Variants in EBAG9 observed in about 807,000 individuals in gnomAD.
EBAG9 encodes the protein receptor-binding cancer antigen expressed on SiSo cells.
In EBAG9, 16 loss-of-function variants were observed where a neutral mutation model predicts 30.9. That is an observed-to-expected ratio of 0.52 (90% CI 0.35 to 0.79). The LOEUF (loss-of-function observed/expected upper bound fraction) is 0.79, where lower values mean the gene tolerates loss of function less well. EBAG9 is among the 30% of genes least tolerant of loss of function. EBAG9 has a pLI of 0.01. For missense variants in EBAG9, 197 were observed against 242.1 expected, an observed-to-expected ratio of 0.81 and a Z score of 1.24; for synonymous variants, 93 against 82.8, an observed-to-expected ratio of 1.12 and a Z score of -0.67.
chr8:109,545,756 G>T (rs1444719173), intron 1 of EBAG9, among the ~76,000 whole-genome samples: 2 of 152,092 alleles, frequency 1.3e-5, no homozygotes, highest in African/African-American at 4.8e-5. Flanking sequence ...CATATATCTT[G>T]TTATTTAATC....
At chr8:109,541,647 C>T (rs2131093781) in intron 1 of EBAG9, among the ~76,000 whole-genome samples, 1 of 152,286 alleles carries the variant, frequency 6.6e-6, no homozygotes, top group South Asian at 2.1e-4. Flanking sequence ...TGATGGACGT[C>T]CTGCCTCCTT....
At chr8:109,550,689 T>C (rs1415017590) in intron 1 of EBAG9, 121 bp from the exon 2 acceptor site, 1 of 648,886 alleles carries the variant, frequency 1.5e-6, no homozygotes, top group African/African-American at 1.9e-5. Flanking sequence ...TGTGTTATAG[T>C]TTCTAGAGAA....
intron 1 of EBAG9, among the ~76,000 whole-genome samples, chr8:109,549,846 A>T (rs971005136): frequency 1.3e-5 from 2 of 151,970 alleles, no homozygotes; most frequent in African/African-American, 2.4e-5. Flanking sequence ...TTTTTCCTAT[A>T]ATCTGTCTAA....
intron 6 of EBAG9, among the ~76,000 whole-genome samples, chr8:109,564,162 A>C (rs894326011): frequency 1.3e-5 from 2 of 152,106 alleles, no homozygotes; most frequent in Non-Finnish European, 2.9e-5. Flanking sequence ...CCTGTACTTA[A>C]TCCTATGACT....
At chr8:109,543,971 AG>A (rs1351826140) in intron 1 of EBAG9, among the ~76,000 whole-genome samples, 1 of 151,440 alleles carries the variant, frequency 6.6e-6, no homozygotes, top group African/African-American at 2.4e-5. Context: ...CAGAGGTTGC[AG>A]TGAGCCAAGA....
In EBAG9 at chr8:109,557,180, G is replaced by A. The variant is rs1821617436; in HGVS notation, c.429+138G>A. The A allele has an allele frequency of 6.3e-6, 3 of 475,216 alleles. No homozygotes were observed. In the East Asian group the frequency reaches 1.0e-4, roughly 17 times the overall value. 29.4% of individuals were successfully genotyped at this position (475,216 alleles called of 1,614,324 possible). On this transcript the variant is annotated intron_variant, in intron 5 of 6. Coordinates refer to ENST00000337573, the MANE Select transcript of EBAG9 (RefSeq NM_004215.5). ...AAACAGGTTTAGCAGTTTGATAGAA[G>A]TTAATCTGGAGTTTTACCAATCCTA...
intron 1 of EBAG9, among the ~76,000 whole-genome samples, chr8:109,542,288 T>TG (rs1821291969): frequency 1.3e-5 from 2 of 151,732 alleles, no homozygotes; most frequent in Non-Finnish European, 2.9e-5. Context: ...TATTTTTTAT[T>TG]GGGAAAAAAA....
chr8:109,545,873 C>T (rs1410857726), intron 1 of EBAG9, among the ~76,000 whole-genome samples: 1 of 152,156 alleles, frequency 6.6e-6, no homozygotes, highest in Non-Finnish European at 1.5e-5. Flanking sequence ...TCTTTGGCAG[C>T]TTACTTAACC....
intron 4 of EBAG9, 40 bp from the exon 5 acceptor site, chr8:109,556,895 G>C (rs182265187): frequency 1.5e-5 from 17 of 1,139,350 alleles, no homozygotes; most frequent in Non-Finnish European, 2.1e-5. Flanking sequence ...GTAGTGATTT[G>C]TAAAAGATCC....
At chr8:109,557,155 A>G (rs190164146) in intron 5 of EBAG9, 113 bp downstream of exon 5, 1 of 582,688 alleles carries the variant, frequency 1.7e-6, no homozygotes, top group Non-Finnish European at 2.7e-6. Context: ...TGTAACTTTG[A>G]AACAGGTTTA....
intron 5 of EBAG9, among the ~76,000 whole-genome samples, chr8:109,557,252 T>C (rs1346143677): frequency 6.6e-6 from 1 of 152,214 alleles, no homozygotes; most frequent in African/African-American, 2.4e-5. Context: ...GATCAAGGTC[T>C]CATTGTACAC....
At chr8:109,552,812 T>G (rs188833957) in intron 2 of EBAG9, among the ~76,000 whole-genome samples, 317 of 152,202 alleles carry the variant, frequency 2.1e-3, no homozygotes, top group Non-Finnish European at 2.7e-3. Context: ...AATACCAGAC[T>G]TGGCTAGGCA....
Position 109,564,855 on chromosome 8 carries a change from GTT to G in EBAG9, c.*298_*299del, listed in dbSNP as rs780209911. On this transcript the variant is annotated 3_prime_UTR_variant, in exon 7 of 7. Transcript: ENST00000337573. ...ATATATCAGTACCTCTCAAGCTAGTGTTTCTAGCTAAATAAATGGGTGTATAT... is the reference window on the plus strand; with the variant it reads ...ATATATCAGTACCTCTCAAGCTAGTGTCTAGCTAAATAAATGGGTGTATAT... The G allele has an allele frequency of 4.0e-5, 8 of 200,704 alleles. No individual in the cohort carries two copies. The highest frequency in any genetic ancestry group is 8.0e-5 in the Non-Finnish European group (8 of 99,912). 12.4% of individuals were successfully genotyped at this position (200,704 alleles called of 1,614,324 possible). A position where few individuals can be genotyped will look rare whatever the true frequency, so the allele number is the denominator to read the frequency against.
chr8:109,559,278 G>C (rs565255269), intron 5 of EBAG9, among the ~76,000 whole-genome samples: 2 of 151,982 alleles, frequency 1.3e-5, no homozygotes, highest in African/African-American at 2.4e-5. Flanking sequence ...GCAACATGGC[G>C]AAATCCCCCC....
intron 1 of EBAG9, among the ~76,000 whole-genome samples, chr8:109,548,887 C>CTTTTTTTTTTTTTTTTTT (rs548152043): frequency 4.6e-4 from 57 of 125,098 alleles, no homozygotes; most frequent in African/African-American, 7.8e-4. Flanking sequence ...TTTCTTTTTT[C>CTTTTTTTTTTTTTTTTTT]TTTTTTTTTT....
In EBAG9 at chr8:109,553,964, C is replaced by G. The variant is rs371503766; in HGVS notation, c.162+21C>G. 3.2e-6 allele frequency: 5 copies of G among 1,558,394 alleles called. No homozygotes were observed. The African/African-American group carries it at 6.9e-5, about 22-fold the overall frequency. ...AGCAGGTAGGTTTTTTTTGTGTGTT[C>G]TTTTGTTTTGTTTTGTTTTGAAAGA... On this transcript the variant is annotated intron_variant, in intron 3 of 6. Transcript: ENST00000337573.
Position 109,554,720 on chromosome 8 carries a change from T to C in EBAG9, c.163-9T>C. On this transcript the variant is annotated splice_polypyrimidine_tract_variant and intron_variant, in intron 3 of 6. Transcript: ENST00000337573. ...TTTGTGGCTGATAATGTTGATCAATTAAATTTAGACAGATGTTGAAGAGTG... is the reference window on the plus strand; with the variant it reads ...TTTGTGGCTGATAATGTTGATCAATCAAATTTAGACAGATGTTGAAGAGTG... 6.2e-7 allele frequency: 1 copy of C among 1,609,676 alleles called. No homozygotes were observed. Among genetic ancestry groups the C allele is most frequent in the Non-Finnish European group, 8.5e-7 (1 of 1,177,724 alleles).
intron 2 of EBAG9, among the ~76,000 whole-genome samples, chr8:109,552,315 C>T (rs1180487578): frequency 1.3e-5 from 2 of 149,854 alleles, no homozygotes; most frequent in Non-Finnish European, 1.5e-5. Flanking sequence ...GTGAAATGAT[C>T]ATCTCTGGAT....
At chr8:109,555,250 T>TG (rs1273196153) in intron 4 of EBAG9, among the ~76,000 whole-genome samples, 9 of 152,176 alleles carry the variant, frequency 5.9e-5, no homozygotes, top group African/African-American at 2.2e-4. Context: ...TTTTTGTCCT[T>TG]GCGATAGTTT....
Sources: gnomAD v4.1 joint callset for allele counts (sites outside exome capture counted in the v4.1 genomes callset) on GRCh38, gnomAD v4.1.1 for gene constraint, MANE v1.5 for transcripts, NCBI Gene and HGNC (gene_info 2026-07-23, HGNC 2026-07-21) for gene names.